Variants in ARHGAP28 observed in about 807,000 individuals in gnomAD.
ARHGAP28 encodes the protein Rho GTPase activating protein 28, also known as rho GTPase-activating protein 28.
ARHGAP28 carries 56 observed loss-of-function variants against 90.7 expected under a neutral mutation model. The observed-to-expected ratio is 0.62, with a 90% CI of 0.50 to 0.77. The LOEUF is 0.77. ARHGAP28 is among the 30% of genes least tolerant of loss of function. The probability of loss-of-function intolerance (pLI) is 0.00; values close to 1 mark genes in which losing one functional copy is unlikely to be tolerated. For missense variants in ARHGAP28, 869 were observed against 900.9 expected, an observed-to-expected ratio of 0.96 and a Z score of 0.45; for synonymous variants, 308 against 323.3, an observed-to-expected ratio of 0.95 and a Z score of 0.51.
chr18:6,768,538 G>T (rs142870994), intron 1 of ARHGAP28, among the ~76,000 whole-genome samples: 18 of 152,196 alleles, frequency 1.2e-4, no homozygotes, highest in African/African-American at 3.6e-4. Context: ...ATGCCTCCCA[G>T]CCCTTTAGGA....
At chr18:6,842,235 C>G (rs1306300391) in intron 3 of ARHGAP28, among the ~76,000 whole-genome samples, 2 of 152,126 alleles carry the variant, frequency 1.3e-5, no homozygotes, top group African/African-American at 4.8e-5. Flanking sequence ...TACCTGCTGT[C>G]CCATGCCTGT....
intron 1 of ARHGAP28, among the ~76,000 whole-genome samples, chr18:6,741,046 GA>G (rs1260688223): frequency 6.6e-6 from 1 of 152,188 alleles, no homozygotes; most frequent in African/African-American, 2.4e-5. Flanking sequence ...TCGATTATGA[GA>G]ATGGCATTTC....
intron 1 of ARHGAP28, among the ~76,000 whole-genome samples, chr18:6,800,857 A>G (rs1263937819): frequency 1.3e-5 from 2 of 152,234 alleles, no homozygotes; most frequent in Non-Finnish European, 2.9e-5. Flanking sequence ...TTAAAGTATA[A>G]TTTAAAAAAT....
chr18:6,838,796 C>A (rs1394299833), intron 3 of ARHGAP28, among the ~76,000 whole-genome samples: 1 of 152,038 alleles, frequency 6.6e-6, no homozygotes, highest in Non-Finnish European at 1.5e-5. Flanking sequence ...CTAGTGTAAA[C>A]CTGTGTCTTT....
At chr18:6,908,197 G>A (rs1242912165) in intron 16 of ARHGAP28, among the ~76,000 whole-genome samples, 1 of 151,804 alleles carries the variant, frequency 6.6e-6, no homozygotes, top group African/African-American at 2.4e-5. Context: ...GAGTGCAATG[G>A]CACGATCTCC....
At chr18:6,753,379 A>G (rs570184767) in intron 1 of ARHGAP28, among the ~76,000 whole-genome samples, 10 of 152,338 alleles carry the variant, frequency 6.6e-5, no homozygotes, top group African/African-American at 2.2e-4. Context: ...CAAAGTGACA[A>G]TAAGAACAGA....
At position 6,859,847 on chromosome 18, in the gene ARHGAP28, G is replaced by A. The variant is rs147162571; in HGVS notation, c.676G>A (p.Ala226Thr). The change falls in exon 5 of 18, where the codon GCA becomes ACA. Residue 226 changes from alanine to threonine, a missense_variant. Transcript: ENST00000383472. ...ASLNSTTLSD[A>T]SQDKEGSFAV... Reference sequence around the variant, plus strand: ...TCTCAACAGTACTACCCTGTCTGACGCATCCCAGGATAAAGAAGGGAGTTT... The same window carrying A: ...TCTCAACAGTACTACCCTGTCTGACACATCCCAGGATAAAGAAGGGAGTTT... The A allele has an allele frequency of 6.8e-4, 1,101 of 1,614,004 alleles. 7 individuals carry two copies. Among genetic ancestry groups the A allele is most frequent in the Non-Finnish European group, 2.4e-4 (281 of 1,180,016 alleles).
intron 17 of ARHGAP28, among the ~76,000 whole-genome samples, chr18:6,910,758 G>T (rs1415228020): frequency 6.6e-6 from 1 of 152,038 alleles, no homozygotes; most frequent in Non-Finnish European, 1.5e-5. Flanking sequence ...AGTGCCTGGC[G>T]CATTATTAAT....
At chr18:6,757,380 T>C (rs1422796627) in intron 1 of ARHGAP28, among the ~76,000 whole-genome samples, 2 of 152,158 alleles carry the variant, frequency 1.3e-5, no homozygotes, top group African/African-American at 2.4e-5. Flanking sequence ...AAAATGTCTC[T>C]AGAAAGATGG....
At chr18:6,740,932 T>C (rs2055971575) in intron 1 of ARHGAP28, among the ~76,000 whole-genome samples, 1 of 152,180 alleles carries the variant, frequency 6.6e-6, no homozygotes, top group South Asian at 2.1e-4. Flanking sequence ...GCCCACAATG[T>C]GGGCTACTGG....
chr18:6,768,500 CT>C (rs1319018738), intron 1 of ARHGAP28, among the ~76,000 whole-genome samples: 1 of 152,104 alleles, frequency 6.6e-6, no homozygotes, highest in African/African-American at 2.4e-5. Flanking sequence ...TCAACAAAGA[CT>C]TTCTATTCTG....
At chr18:6,815,177 G>A (rs990920308) in intron 1 of ARHGAP28, among the ~76,000 whole-genome samples, 2 of 152,156 alleles carry the variant, frequency 1.3e-5, no homozygotes, top group Admixed American at 1.3e-4. Flanking sequence ...AACATAAAAC[G>A]TTCACATTTA....
chr18:6,841,622 C>G (rs1007705124), intron 3 of ARHGAP28, among the ~76,000 whole-genome samples: 3 of 151,906 alleles, frequency 2.0e-5, no homozygotes, highest in African/African-American at 7.3e-5. Flanking sequence ...ATCCCATGCT[C>G]AAAATCACTT....
At chr18:6,769,228 C>G (rs972699499) in intron 1 of ARHGAP28, among the ~76,000 whole-genome samples, 1 of 151,966 alleles carries the variant, frequency 6.6e-6, no homozygotes, top group Non-Finnish European at 1.5e-5. Context: ...GGTCTGACAA[C>G]TGGGAGATTG....
intron 2 of ARHGAP28, among the ~76,000 whole-genome samples, chr18:6,827,052 T>C (rs1323251978): frequency 6.6e-6 from 1 of 152,174 alleles, no homozygotes; most frequent in Non-Finnish European, 1.5e-5. Flanking sequence ...TTTATCTTAG[T>C]ACAGAACAAA....
intron 1 of ARHGAP28, among the ~76,000 whole-genome samples, chr18:6,773,625 G>A (rs2056260835): frequency 6.6e-6 from 1 of 152,104 alleles, no homozygotes; most frequent in African/African-American, 2.4e-5. Context: ...CATAAGTTGC[G>A]TGGTTTCTCT....
intron 1 of ARHGAP28, among the ~76,000 whole-genome samples, chr18:6,742,298 C>T (rs2055985598): frequency 6.6e-6 from 1 of 151,638 alleles, no homozygotes; most frequent in East Asian, 1.9e-4. Context: ...TCCTGAATAA[C>T]TGGGATTGCA....
intron 1 of ARHGAP28, among the ~76,000 whole-genome samples, chr18:6,786,201 A>G (rs1029706373): frequency 6.6e-6 from 1 of 152,218 alleles, no homozygotes; most frequent in South Asian, 2.1e-4. Flanking sequence ...CTAAACTGCA[A>G]CTAGACATTA....
intron 1 of ARHGAP28, among the ~76,000 whole-genome samples, chr18:6,758,937 C>T (rs1420001121): frequency 2.6e-5 from 4 of 152,106 alleles, no homozygotes; most frequent in Admixed American, 1.3e-4. Context: ...ACTTGTTGCT[C>T]TATTAAACAG....
Sources: gnomAD v4.1 joint callset for allele counts (sites outside exome capture counted in the v4.1 genomes callset) on GRCh38, gnomAD v4.1.1 for gene constraint, MANE v1.5 for transcripts, NCBI Gene and HGNC (gene_info 2026-07-23, HGNC 2026-07-21) for gene names.